MED9: variants seen among roughly 807,000 people sequenced by gnomAD.
MED9 encodes the protein mediator complex subunit 9.
Under a neutral mutation model 13.2 loss-of-function variants are expected in MED9, and 8 were observed. That is an observed-to-expected ratio of 0.61 (90% confidence interval 0.36 to 1.10). MED9 has a LOEUF of 1.10. Ranked by LOEUF, MED9 falls within the 50% of genes least tolerant of loss-of-function variation. The probability of loss-of-function intolerance (pLI) is 0.02; values close to 1 mark genes in which losing one functional copy is unlikely to be tolerated. For missense variants in MED9, 180 were observed against 193.4 expected (o/e 0.93, Z 0.41); for synonymous variants, 87 against 82.8 (o/e 1.05, Z -0.28).
At position 17,491,070 on chromosome 17, in the gene MED9, G is replaced by C. The variant is rs115807421; in HGVS notation, c.225-209G>C. Reference sequence around the variant, plus strand: ...GAGTGTCTGTGTGTGATCTGCAAGTGTGCTAGGCCTGGGAGCTCTGTGCCA... The same window carrying C: ...GAGTGTCTGTGTGTGATCTGCAAGTCTGCTAGGCCTGGGAGCTCTGTGCCA... On this transcript the variant is annotated intron_variant, in intron 1 of 1. Coordinates refer to ENST00000268711, the MANE Select transcript of MED9 (RefSeq NM_018019.3). Among the ~76,000 whole-genome samples the C allele has an allele frequency of 4.8e-3, 724 of 152,306 alleles. 8 individuals are homozygous for C. Among genetic ancestry groups the C allele is most frequent in the African/African-American group, 0.016 (673 of 41,546 alleles).
At chr17:17,485,383 T>A (rs1905110306) in intron 1 of MED9, 1 of 398,184 alleles carries the variant, frequency 2.5e-6, no homozygotes, top group Non-Finnish European at 4.4e-6. Flanking sequence ...CCGGCCGCCA[T>A]CTGGGATTTT....
At chr17:17,485,367 G>C in intron 1 of MED9, 1 of 398,608 alleles carries the variant, frequency 2.5e-6, no homozygotes, top group Non-Finnish European at 4.4e-6. Flanking sequence ...TTACAGGCGT[G>C]AGCCACCGGC....
At position 17,492,411 on chromosome 17, in the gene MED9, G is replaced by C. The variant is rs3744116; in HGVS notation, c.*916G>C. On this transcript the variant is annotated 3_prime_UTR_variant, in exon 2 of 2. Transcript: ENST00000268711. ...TGGCCTTTGCACTTGCGGCAGCAACGTGTACTACACTGCAGAAGGGTTCAG... is the reference window on the plus strand; with the variant it reads ...TGGCCTTTGCACTTGCGGCAGCAACCTGTACTACACTGCAGAAGGGTTCAG... 9.2e-5 allele frequency: 14 copies of C among 152,368 alleles called. No homozygotes were observed. In the East Asian group the frequency reaches 2.7e-3, roughly 29 times the overall value. 9.4% of individuals were successfully genotyped at this position (152,368 alleles called of 1,614,324 possible).
intron 1 of MED9, among the ~76,000 whole-genome samples, chr17:17,489,533 C>T (rs147522331): frequency 3.9e-5 from 6 of 152,050 alleles, no homozygotes; most frequent in South Asian, 2.1e-4. Context: ...GACTTAAATT[C>T]GTAACGGTAT....
intron 1 of MED9, among the ~76,000 whole-genome samples, chr17:17,489,546 T>A (rs1905193891): frequency 1.3e-5 from 2 of 152,218 alleles, no homozygotes; most frequent in Admixed American, 1.3e-4. Flanking sequence ...AACGGTATGT[T>A]AACACGCATG....
intron 1 of MED9, chr17:17,486,624 C>T (rs12947363): frequency 1.3e-5 from 2 of 155,298 alleles, no homozygotes; most frequent in Non-Finnish European, 2.8e-5. Context: ...CCCGCCATGC[C>T]TGAGCCTCCC....
At chr17:17,489,108 C>A (rs2142476833) in intron 1 of MED9, among the ~76,000 whole-genome samples, 1 of 152,328 alleles carries the variant, frequency 6.6e-6, no homozygotes, top group Middle Eastern at 3.4e-3. Flanking sequence ...ATAGCATGTT[C>A]TCTTCACTCC....
At chr17:17,481,011 A>G (rs1321581246) in intron 1 of MED9, among the ~76,000 whole-genome samples, 3 of 152,254 alleles carry the variant, frequency 2.0e-5, no homozygotes, top group Non-Finnish European at 2.9e-5. Flanking sequence ...ACACGAAGCC[A>G]AGAAATAGCA....
chr17:17,480,693 A>G (rs563131458), intron 1 of MED9, among the ~76,000 whole-genome samples: 5 of 152,242 alleles, frequency 3.3e-5, no homozygotes, highest in Admixed American at 2.0e-4. Flanking sequence ...GAGAGAGAGG[A>G]AAAAAGAGAA....
At chr17:17,480,514 C>T (rs1165383787) in intron 1 of MED9, among the ~76,000 whole-genome samples, 5 of 152,250 alleles carry the variant, frequency 3.3e-5, no homozygotes, top group African/African-American at 1.2e-4. Flanking sequence ...GGGTCAGGCG[C>T]GGTGCCTCAT....
Position 17,491,331 on chromosome 17 carries a change from A to C in MED9, c.277A>C (p.Lys93Gln). Reference protein sequence around the residue: ...VHQDLNALKSKFQEMRKLIST... With the variant: ...VHQDLNALKSQFQEMRKLIST... ...CCAGGACCTGAACGCCCTCAAAAGC[A>C]AGTTCCAGGAGATGCGCAAGCTCAT... Residue 93 changes from lysine to glutamine, a missense_variant, in exon 2 of 2, where the codon AAG becomes CAG. Coordinates refer to ENST00000268711, the MANE Select transcript of MED9 (RefSeq NM_018019.3). 1.2e-6 allele frequency: 2 copies of C among 1,614,042 alleles called. No homozygotes were observed. Among genetic ancestry groups the C allele is most frequent in the Non-Finnish European group, 1.7e-6 (2 of 1,180,032 alleles).
chr17:17,477,365 C>T (rs1014047598), intron 1 of MED9, 100 bp downstream of exon 1: 9 of 1,303,052 alleles, frequency 6.9e-6, no homozygotes, highest in Non-Finnish European at 9.3e-6. Flanking sequence ...GGCACGCCCC[C>T]GTTTCACAGA....
Position 17,491,307 on chromosome 17 carries a change from C to G in MED9, c.253C>G (p.Gln85Glu). The G allele has an allele frequency of 6.2e-7, 1 of 1,613,794 alleles. No homozygotes were observed. The highest frequency in any genetic ancestry group is 1.1e-5 in the South Asian group (1 of 91,080). The change falls in exon 2 of 2, where the codon CAG becomes GAG. Residue 85 changes from glutamine to glutamate, a missense_variant. Transcript: ENST00000268711. ...CMDKDSPEVH[Q>E]DLNALKSKFQ... ...GGACAAGGACAGCCCGGAGGTCCAC[C>G]AGGACCTGAACGCCCTCAAAAGCAA...
chr17:17,491,207 T>C, intron 1 of MED9, 72 bp from the exon 2 acceptor site: 3 of 1,387,096 alleles, frequency 2.2e-6, no homozygotes, highest in Non-Finnish European at 3.1e-6. Flanking sequence ...CAGCCAGCTC[T>C]AGGGGGTGCA....
At chr17:17,487,166 A>C (rs1905147943) in intron 1 of MED9, 1 of 152,186 alleles carries the variant, frequency 6.6e-6, no homozygotes, top group Non-Finnish European at 1.5e-5. Context: ...GACGGGGAGA[A>C]CCTTTGTATC....
At position 17,477,162 on chromosome 17, in the gene MED9, C is replaced by T. The variant is rs1268301759; in HGVS notation, c.121C>T (p.Pro41Ser). The T allele has an allele frequency of 6.2e-7, 1 of 1,609,692 alleles. No individual in the cohort carries two copies. Among genetic ancestry groups the T allele is most frequent in the African/African-American group, 1.3e-5 (1 of 74,840 alleles). The change falls in exon 1 of 2, where the codon CCT becomes TCT. Residue 41 changes from proline to serine, a missense_variant. Physicochemically the swap from Pro to Ser is moderately conservative, Grantham distance 74 (BLOSUM62 -1). Coordinates refer to ENST00000268711, the MANE Select transcript of MED9 (RefSeq NM_018019.3). ...TCCTCAGCCGCCGCCGGTCCCTGCG[C>T]CTCAACCGCAGCAGTCGCCGGCGCC... ...PPPQPPPVPA[P>S]QPQQSPAPRP...
chr17:17,477,398 G>C, intron 1 of MED9, 133 bp downstream of exon 1: 7 of 1,014,742 alleles, frequency 6.9e-6, no homozygotes, highest in Non-Finnish European at 9.8e-6. Context: ...GACCCAGAGC[G>C]GGAAGAGGCC....
rs1057069424 is a variant in MED9, at chr17:17,493,101, G to A, written c.*1606G>A. On this transcript the variant is annotated 3_prime_UTR_variant, in exon 2 of 2. Transcript: ENST00000268711. Reference sequence around the variant, plus strand: ...CCGGGGTCTTTCTGAGTGCAAGGCTGAAATGGACAAGGGCTCCTCACGGGG... The same window carrying A: ...CCGGGGTCTTTCTGAGTGCAAGGCTAAAATGGACAAGGGCTCCTCACGGGG... 2.0e-5 allele frequency: 3 copies of A among 152,230 alleles called. No individual in the cohort carries two copies. The highest frequency in any genetic ancestry group is 7.2e-5 in the African/African-American group (3 of 41,462). The allele number at this position is 152,230 out of a possible 1,614,324, so 9.4% of individuals were successfully genotyped here.
At chr17:17,487,698 C>T (rs757595989) in intron 1 of MED9, 14 of 173,232 alleles carry the variant, frequency 8.1e-5, no homozygotes, top group Non-Finnish European at 1.7e-4. Flanking sequence ...AGACCAAGAA[C>T]CCACCAATTC....
Sources: gnomAD v4.1 joint callset for allele counts (sites outside exome capture counted in the v4.1 genomes callset) on GRCh38, gnomAD v4.1.1 for gene constraint, MANE v1.5 for transcripts, NCBI Gene and HGNC (gene_info 2026-07-23, HGNC 2026-07-21) for gene names.